OGFOD1: variants seen among roughly 807,000 people sequenced by gnomAD.
The protein encoded by OGFOD1 is prolyl 3-hydroxylase OGFOD1.
In OGFOD1, 54 loss-of-function variants were observed where a neutral mutation model predicts 67.7. The observed-to-expected ratio is 0.80, with a 90% CI of 0.64 to 1.00. OGFOD1 has a LOEUF of 1.00. OGFOD1 is among the 50% of genes least tolerant of loss of function. OGFOD1 has a pLI of 0.00. For synonymous variants in OGFOD1, 221 were observed against 227.0 expected (o/e 0.97, Z 0.24); for missense variants, 606 against 646.7 (o/e 0.94, Z 0.68).
At position 56,467,304 on chromosome 16, in the gene OGFOD1, T is replaced by C. The variant is rs901863429; in HGVS notation, c.786+11T>C. ...CACATCCCACAAGATGTAAGAAGAA[T>C]TGCTGATATCCTTATCTTAGGAGCT... On this transcript the variant is annotated intron_variant, in intron 7 of 12. Coordinates refer to ENST00000566157, the MANE Select transcript of OGFOD1 (RefSeq NM_018233.4). 3 of 1,613,964 alleles carry C rather than the reference T, an allele frequency of 1.9e-6. No homozygotes were observed. Among genetic ancestry groups the C allele is most frequent in the African/African-American group, 2.7e-5 (2 of 74,916 alleles).
At chr16:56,462,757 C>A in intron 4 of OGFOD1, 123 bp downstream of exon 4, 1 of 622,700 alleles carries the variant, frequency 1.6e-6, no homozygotes, top group African/African-American at 1.8e-5. Flanking sequence ...CCGGATCTTC[C>A]TGATAAAGAC....
At chr16:56,457,320 C>T (rs1204751128) in intron 2 of OGFOD1, among the ~76,000 whole-genome samples, 1 of 152,182 alleles carries the variant, frequency 6.6e-6, no homozygotes, top group Non-Finnish European at 1.5e-5. Flanking sequence ...ATGCAAAAGG[C>T]TACATATTAT....
intron 11 of OGFOD1, among the ~76,000 whole-genome samples, chr16:56,475,249 TTCTCTCTTAATTTTCA>T (rs2144060183): frequency 6.6e-6 from 1 of 152,330 alleles, no homozygotes; most frequent in East Asian, 1.9e-4. Flanking sequence ...TAGCATTTAA[TTCTCTCTTAATTTTCA>T]TATTCAAAGT....
Position 56,467,987 on chromosome 16 carries a change from G to A in OGFOD1, c.869G>A (p.Ser290Asn), listed in dbSNP as rs1240310347. 1 of 1,594,204 alleles carries A rather than the reference G, an allele frequency of 6.3e-7. No homozygotes were observed. Among genetic ancestry groups the A allele is most frequent in the African/African-American group, 1.3e-5 (1 of 74,542 alleles). ...QVQIQEEFEE[S>N]SEILLKEFLK... ...CAAATTCAAGAAGAGTTTGAAGAAAGTTCTGAAATTCTCCTGAAGGAGTTT... is the reference window on the plus strand; with the variant it reads ...CAAATTCAAGAAGAGTTTGAAGAAAATTCTGAAATTCTCCTGAAGGAGTTT... Residue 290 changes from serine (S) to asparagine (N), a missense_variant, in exon 8 of 13, where the codon AGT becomes AAT. Ser to Asn is a conservative substitution (Grantham distance 46). Transcript: ENST00000566157.
intron 10 of OGFOD1, 32 bp downstream of exon 10, chr16:56,470,823 C>A: frequency 6.6e-7 from 1 of 1,513,606 alleles, no homozygotes. Context: ...TCCTTACTTA[C>A]CATTAACCAT....
intron 10 of OGFOD1, among the ~76,000 whole-genome samples, chr16:56,471,918 G>C (rs74246248): frequency 0.039 from 5,957 of 152,242 alleles, 146 homozygotes; most frequent in East Asian, 0.13. Flanking sequence ...CATGGAGTCT[G>C]TCTCAAAGGG....
chr16:56,470,152 A>C, intron 9 of OGFOD1, 70 bp downstream of exon 9: 2 of 1,383,432 alleles, frequency 1.4e-6, no homozygotes, highest in Non-Finnish European at 2.0e-6. Context: ...AACTAGTAAA[A>C]TGACAAAAAG....
At position 56,476,045 on chromosome 16, in the gene OGFOD1, T is replaced by A. The variant is rs754508032; in HGVS notation, c.1469T>A (p.Leu490Gln). 3 of 1,608,180 alleles carry A rather than the reference T, an allele frequency of 1.9e-6. No individual in the cohort carries two copies. The highest frequency in any genetic ancestry group is 3.4e-5 in the Admixed American group (2 of 58,292). The change falls in exon 13 of 13, where the codon CTG becomes CAG. Residue 490 changes from leucine to glutamine, a missense_variant and splice_region_variant. Coordinates refer to ENST00000566157, the MANE Select transcript of OGFOD1 (RefSeq NM_018233.4). ...TGTCACTGTATTTGTCTTTTTCAGCTGCTAACAGTGAATCCAGAAAGCAAT... is the reference window on the plus strand; with the variant it reads ...TGTCACTGTATTTGTCTTTTTCAGCAGCTAACAGTGAATCCAGAAAGCAAT... ...SYIAKGEDEELLTVNPESNSL... is the reference protein window; with the variant it reads ...SYIAKGEDEEQLTVNPESNSL...
chr16:56,474,751 A>C, intron 10 of OGFOD1, 77 bp from the exon 11 acceptor site: 1 of 1,185,772 alleles, frequency 8.4e-7, no homozygotes, highest in Non-Finnish European at 1.2e-6. Context: ...TATCATTCCT[A>C]ATTATGATTC....
At chr16:56,466,324 C>T (rs2144012564) in intron 5 of OGFOD1, 56 bp downstream of exon 5, 1 of 1,093,486 alleles carries the variant, frequency 9.1e-7, no homozygotes, top group Non-Finnish European at 1.4e-6. Flanking sequence ...TGAGTTAAAG[C>T]TGAGTTGATT....
rs1462758188 is a variant in OGFOD1, at chr16:56,463,241, TAAATA to T, written c.448+614_448+618del. Among the ~76,000 whole-genome samples the T allele has an allele frequency of 7.9e-5, 12 of 152,210 alleles. No homozygotes were observed. The East Asian group carries it at 1.5e-3, about 20-fold the overall frequency. ...AGGTTTTTTCTTTTTTAAATTTTAC[TAAATA>T]AAATAATTCTTTGAGTGTACTCTCA... On this transcript the variant is annotated intron_variant, in intron 4 of 12. Transcript: ENST00000566157.
chr16:56,467,773 G>T, intron 7 of OGFOD1, 132 bp from the exon 8 acceptor site: 1 of 667,814 alleles, frequency 1.5e-6, no homozygotes, highest in South Asian at 1.7e-5. Context: ...CTCAAGCAGA[G>T]TTTTCCAGTA....
intron 8 of OGFOD1, among the ~76,000 whole-genome samples, chr16:56,468,340 T>C (rs1567551800): frequency 6.6e-6 from 1 of 152,226 alleles, no homozygotes; most frequent in Admixed American, 6.5e-5. Context: ...TTCTTATTAC[T>C]TTTAAAAATA....
intron 10 of OGFOD1, among the ~76,000 whole-genome samples, chr16:56,471,315 T>C (rs1257716264): frequency 1.3e-5 from 2 of 150,906 alleles, no homozygotes; most frequent in African/African-American, 4.9e-5. Context: ...TGAGTCGAGA[T>C]TGCACCATTG....
intron 8 of OGFOD1, 61 bp from the exon 9 acceptor site, chr16:56,469,942 C>G: frequency 6.9e-7 from 1 of 1,457,160 alleles, no homozygotes; most frequent in East Asian, 2.3e-5. Context: ...CTGTACCTGC[C>G]AAACCAGTGC....
rs530964246 is a variant in OGFOD1 at position 56,478,003 on chromosome 16, T to C, written c.*1798T>C. The C allele has an allele frequency of 6.6e-6, 1 of 152,368 alleles. No homozygotes were observed. Among genetic ancestry groups the C allele is most frequent in the African/African-American group, 2.4e-5 (1 of 41,580 alleles). 9.4% of individuals were successfully genotyped at this position (152,368 alleles called of 1,614,324 possible). On this transcript the variant is annotated 3_prime_UTR_variant, in exon 13 of 13. Transcript: ENST00000566157. ...GCCCTTGATATGGATATTTATATAT[T>C]TTACACATGTAGTAATATTATTTCT...
chr16:56,471,135 T>C (rs186424230), intron 10 of OGFOD1, among the ~76,000 whole-genome samples: 1 of 151,426 alleles, frequency 6.6e-6, no homozygotes, highest in East Asian at 1.9e-4. Flanking sequence ...TCTGATCACC[T>C]GAGGCCAGGA....
chr16:56,459,728 T>C (rs1451878470), intron 3 of OGFOD1, among the ~76,000 whole-genome samples: 4 of 152,200 alleles, frequency 2.6e-5, no homozygotes, highest in African/African-American at 9.6e-5. Context: ...ATACACACAA[T>C]TTGATGCTTT....
chr16:56,469,920 T>C (rs1401524130), intron 8 of OGFOD1, 83 bp from the exon 9 acceptor site: 4 of 1,087,704 alleles, frequency 3.7e-6, no homozygotes, highest in South Asian at 1.3e-5. Context: ...AGATTGATGT[T>C]TGGCAGAGCT....
Sources: gnomAD v4.1 joint callset for allele counts (sites outside exome capture counted in the v4.1 genomes callset) on GRCh38, gnomAD v4.1.1 for gene constraint, MANE v1.5 for transcripts, NCBI Gene and HGNC (gene_info 2026-07-23, HGNC 2026-07-21) for gene names.